MRPS9: variants seen among roughly 807,000 people sequenced by gnomAD.
MRPS9 encodes mitochondrial ribosomal protein S9, also known as small ribosomal subunit protein uS9m.
Under a neutral mutation model 59.9 loss-of-function variants are expected in MRPS9, and 45 were observed. That is an observed-to-expected ratio of 0.75 (90% CI 0.59 to 0.96). The LOEUF (loss-of-function observed/expected upper bound fraction) is 0.96. MRPS9 is among the 40% of genes least tolerant of loss of function. The pLI, the probability that MRPS9 is intolerant of heterozygous loss-of-function variation, is 0.00. For synonymous variants in MRPS9, 171 were observed against 166.8 expected (o/e 1.03, Z -0.19); for missense variants, 473 against 481.1 (o/e 0.98, Z 0.16).
At chr2:105,040,256 G>T (rs1250543348) in intron 1 of MRPS9, among the ~76,000 whole-genome samples, 3 of 151,866 alleles carry the variant, frequency 2.0e-5, no homozygotes, top group African/African-American at 7.3e-5. Context: ...TCTCTTGGTA[G>T]CCCATGTTTT....
chr2:105,077,616 G>A (rs1205204629), intron 4 of MRPS9, among the ~76,000 whole-genome samples: 2 of 152,126 alleles, frequency 1.3e-5, no homozygotes, highest in Non-Finnish European at 2.9e-5. Context: ...ATAAACTCCC[G>A]CCTTGTTCTG....
chr2:105,038,746 T>C (rs146831801), intron 1 of MRPS9, among the ~76,000 whole-genome samples: 13 of 152,320 alleles, frequency 8.5e-5, no homozygotes, highest in African/African-American at 2.4e-4. Flanking sequence ...GGCCAGAACT[T>C]GTACGTTTCG....
intron 5 of MRPS9, among the ~76,000 whole-genome samples, chr2:105,082,299 G>A (rs1303927619): frequency 2.0e-5 from 3 of 152,092 alleles, no homozygotes; most frequent in East Asian, 1.9e-4. Context: ...TTTTTCCCAC[G>A]TTATTGCCCA....
intron 2 of MRPS9, among the ~76,000 whole-genome samples, chr2:105,060,017 TAAAAAAAAAAA>T (rs10547330): frequency 9.9e-6 from 1 of 100,604 alleles, no homozygotes; most frequent in Non-Finnish European, 1.9e-5. Context: ...GGAAAACTGC[TAAAAAAAAAAA>T]AAAAAAAAAA....
At chr2:105,067,234 A>G (rs903744606) in intron 2 of MRPS9, among the ~76,000 whole-genome samples, 3 of 152,148 alleles carry the variant, frequency 2.0e-5, no homozygotes, top group Admixed American at 2.0e-4. Flanking sequence ...AAATTTCCTC[A>G]GTTTTCCCCA....
At chr2:105,054,291 C>A (rs535334654) in intron 2 of MRPS9, among the ~76,000 whole-genome samples, 213 of 152,318 alleles carry the variant, frequency 1.4e-3, no homozygotes, top group African/African-American at 4.9e-3. Context: ...CTCCAGTTCT[C>A]TGCTTTGTCA....
In MRPS9 at chr2:105,093,635, A is replaced by G. The variant is rs762216707; in HGVS notation, c.926A>G (p.Asp309Gly). The G allele has an allele frequency of 2.0e-5, 31 of 1,575,200 alleles. No homozygotes were observed. The Admixed American group carries it at 2.0e-4, about 10-fold the overall frequency. Residue 309 changes from aspartate (D) to glycine (G), a missense_variant, in exon 9 of 11, where the codon GAC becomes GGC. By Grantham distance (94) the Asp-to-Gly change is moderately conservative (BLOSUM62 -1). Coordinates refer to ENST00000258455, the MANE Select transcript of MRPS9 (RefSeq NM_182640.3). ...DYQLYFPITQ[D>G]REQLMFPFHF... ...CAGCTTTACTTCCCGATCACACAGG[A>G]CAGGTTCGTTTTGGGTTCTGATTTT...
Position 105,093,629 on chromosome 2 carries a change from C to G in MRPS9, c.920C>G (p.Thr307Arg), listed in dbSNP as rs775008866. The change falls in exon 9 of 11, where the codon ACA (threonine) becomes AGA (arginine). Residue 307 changes from threonine to arginine, a missense_variant. Coordinates refer to ENST00000258455, the MANE Select transcript of MRPS9 (RefSeq NM_182640.3). ...GIDYQLYFPI[T>R]QDREQLMFPF... is the part of the protein sequence containing the mutation. ...GATTACCAGCTTTACTTCCCGATCACACAGGACAGGTTCGTTTTGGGTTCT... is the reference window on the plus strand; with the variant it reads ...GATTACCAGCTTTACTTCCCGATCAGACAGGACAGGTTCGTTTTGGGTTCT... 4.4e-6 allele frequency: 7 copies of G among 1,589,836 alleles called. No homozygotes were observed. The highest frequency in any genetic ancestry group is 6.0e-6 in the Non-Finnish European group (7 of 1,165,322).
intron 10 of MRPS9, chr2:105,097,535 TC>T: frequency 2.4e-6 from 1 of 417,814 alleles, no homozygotes; most frequent in Non-Finnish European, 4.0e-6. Context: ...AGGGGAGAAC[TC>T]CCCACACTGA....
At chr2:105,085,553 A>C (rs1047442819) in intron 5 of MRPS9, among the ~76,000 whole-genome samples, 2 of 152,180 alleles carry the variant, frequency 1.3e-5, no homozygotes, top group African/African-American at 4.8e-5. Context: ...GGATACTAAA[A>C]ATCATAGTGC....
At position 105,079,863 on chromosome 2, in the gene MRPS9, AT is replaced by A. The variant is rs1305969081; in HGVS notation, c.410-113del. ...AATATTAAAATTCTAAATGTTGGTG[AT>A]TTTTTTGTATTTTTTATTACTCAAT... On this transcript the variant is annotated intron_variant, in intron 4 of 10. Transcript: ENST00000258455. 27 of 521,424 alleles carry A rather than the reference AT, an allele frequency of 5.2e-5. No individual in the cohort carries two copies. In the East Asian group the frequency reaches 7.0e-4, roughly 14 times the overall value. 32.3% of individuals were successfully genotyped at this position (521,424 alleles called of 1,614,324 possible).
At chr2:105,074,830 C>G (rs1407133907) in intron 4 of MRPS9, among the ~76,000 whole-genome samples, 1 of 152,104 alleles carries the variant, frequency 6.6e-6, no homozygotes. Flanking sequence ...TGGTCCCCAG[C>G]CTTTTTGGCG....
chr2:105,048,989 AG>A (rs35523646), intron 1 of MRPS9, among the ~76,000 whole-genome samples, 181 bp from the exon 2 acceptor site: 31,663 of 151,806 alleles, frequency 0.21, 3,597 homozygotes, highest in Middle Eastern at 0.35. Context: ...GGCTTTGAGT[AG>A]GGGACACATT....
chr2:105,077,807 C>A (rs79674795), intron 4 of MRPS9, among the ~76,000 whole-genome samples: 2,692 of 152,182 alleles, frequency 0.018, 81 homozygotes, highest in African/African-American at 0.062. Flanking sequence ...AGTTAAAGAT[C>A]AGAAGTGAAA....
intron 2 of MRPS9, among the ~76,000 whole-genome samples, chr2:105,066,151 T>C (rs543715684): frequency 1.9e-4 from 29 of 152,204 alleles, no homozygotes; most frequent in Non-Finnish European, 3.4e-4. Flanking sequence ...ATTCCCTCTT[T>C]TGTTCATTTT....
intron 4 of MRPS9, among the ~76,000 whole-genome samples, chr2:105,073,058 C>T (rs1239301363): frequency 2.0e-5 from 3 of 152,108 alleles, no homozygotes; most frequent in Non-Finnish European, 2.9e-5. Flanking sequence ...ACATTAAACA[C>T]CTAGTAGCTT....
intron 1 of MRPS9, among the ~76,000 whole-genome samples, chr2:105,038,679 A>G (rs1014256591): frequency 1.1e-4 from 16 of 152,178 alleles, no homozygotes; most frequent in African/African-American, 3.4e-4. Context: ...AGTGCCTTCA[A>G]TATGCGCAAT....
intron 2 of MRPS9, among the ~76,000 whole-genome samples, chr2:105,053,280 A>G (rs916592804): frequency 1.3e-5 from 2 of 152,204 alleles, no homozygotes; most frequent in African/African-American, 2.4e-5. Flanking sequence ...TGAGGACTTA[A>G]TTTATATAGA....
At chr2:105,074,272 G>A (rs999232478) in intron 4 of MRPS9, among the ~76,000 whole-genome samples, 1 of 152,068 alleles carries the variant, frequency 6.6e-6, no homozygotes, top group Non-Finnish European at 1.5e-5. Flanking sequence ...GAGGAACATA[G>A]CGAAGAAATT....
Sources: allele counts gnomAD v4.1 joint callset (sites outside exome capture counted in the v4.1 genomes callset), GRCh38; gene constraint gnomAD v4.1.1; transcripts MANE v1.5; gene names NCBI Gene and HGNC (gene_info 2026-07-23, HGNC 2026-07-21).